Variants in PDE10A observed in about 807,000 individuals in gnomAD.
PDE10A encodes cAMP and cAMP-inhibited cGMP 3',5'-cyclic phosphodiesterase 10A.
A neutral mutation model predicts 97.7 loss-of-function variants in PDE10A; 39 were observed. That is an observed-to-expected ratio of 0.40 (90% confidence interval 0.31 to 0.52). PDE10A has a LOEUF of 0.52. PDE10A is among the 20% of genes least tolerant of loss of function. The pLI is 0.56. For synonymous variants in PDE10A, 371 were observed against 376.8 expected (o/e 0.98, Z 0.18); for missense variants, 731 against 1,047.8 (o/e 0.70, Z 4.17).
At chr6:165,392,857 ACTCCCTAGTTTAGGTAC>A in intron 15 of PDE10A, 61 bp from the exon 16 acceptor site, 1 of 1,482,928 alleles carries the variant, frequency 6.7e-7, no homozygotes, top group Non-Finnish European at 9.4e-7. Context: ...TTGTAGGAGA[ACTCCCTAGTTTAGGTAC>A]ATATATGTCT....
intron 1 of PDE10A, among the ~76,000 whole-genome samples, chr6:165,697,931 C>T (rs974424185): frequency 9.9e-5 from 15 of 152,002 alleles, no homozygotes; most frequent in Non-Finnish European, 2.2e-4. Context: ...AAAGAGCATC[C>T]CTGGTTTATT....
At chr6:165,865,096 G>T (rs980276396) in intron 1 of PDE10A, among the ~76,000 whole-genome samples, 1 of 152,018 alleles carries the variant, frequency 6.6e-6, no homozygotes, top group African/African-American at 2.4e-5. Flanking sequence ...AAAAATTGAC[G>T]CACCTGGCAT....
intron 1 of PDE10A, among the ~76,000 whole-genome samples, chr6:165,714,646 G>T (rs907082714): frequency 6.6e-6 from 1 of 152,218 alleles, no homozygotes; most frequent in Non-Finnish European, 1.5e-5. Context: ...GTTAGAGCCT[G>T]GAGGGTGCCA....
chr6:165,526,303 A>C (rs960086056), intron 2 of PDE10A, among the ~76,000 whole-genome samples: 9 of 152,130 alleles, frequency 5.9e-5, no homozygotes, highest in African/African-American at 2.2e-4. Flanking sequence ...GCTCAGGTCT[A>C]ACTTACATTG....
Position 165,689,043 on chromosome 6 carries a change from C to G in PDE10A, c.-614-145475G>C, listed in dbSNP as rs146577324. ...AGGAAAGCAACACCCTCCATTGGCA[C>G]GGCTTATGCAGGATATAAATGGAAT... On this transcript the variant is annotated intron_variant, in intron 1 of 19. Coordinates refer to the PDE10A transcript ENST00000366882. Among the ~76,000 whole-genome samples, 318 of 152,326 alleles carry G rather than the reference C, an allele frequency of 2.1e-3. 2 individuals carry two copies. The highest frequency in any genetic ancestry group is 3.9e-3 in the Non-Finnish European group (264 of 68,032).
At chr6:165,575,117 T>C (rs1488268899) in intron 1 of PDE10A, among the ~76,000 whole-genome samples, 1 of 152,178 alleles carries the variant, frequency 6.6e-6, no homozygotes, top group Non-Finnish European at 1.5e-5. Flanking sequence ...CACCTCATTA[T>C]TGAGTTTAAA....
chr6:165,734,665 C>T (rs980431887), intron 1 of PDE10A, among the ~76,000 whole-genome samples: 1 of 152,084 alleles, frequency 6.6e-6, no homozygotes, highest in African/African-American at 2.4e-5. Flanking sequence ...GGGACTGAGG[C>T]GTCCCCAGAG....
At chr6:165,897,222 C>T (rs1020620031) in intron 1 of PDE10A, among the ~76,000 whole-genome samples, 8 of 152,170 alleles carry the variant, frequency 5.3e-5, no homozygotes, top group South Asian at 2.1e-4. Context: ...ACAGTGGCCA[C>T]ATGGCTAGGG....
chr6:165,933,032 C>T (rs1180132923), intron 1 of PDE10A, among the ~76,000 whole-genome samples: 1 of 152,152 alleles, frequency 6.6e-6, no homozygotes, highest in Non-Finnish European at 1.5e-5. Context: ...TCTGGGGAGG[C>T]TACCAGAGAT....
At chr6:165,867,854 A>G (rs1395513897) in intron 1 of PDE10A, among the ~76,000 whole-genome samples, 3 of 152,260 alleles carry the variant, frequency 2.0e-5, no homozygotes, top group African/African-American at 7.2e-5. Context: ...GAACAAAACT[A>G]GAAATCAACA....
At chr6:165,793,308 G>T (rs1437236706) in intron 1 of PDE10A, among the ~76,000 whole-genome samples, 1 of 151,890 alleles carries the variant, frequency 6.6e-6, no homozygotes, top group African/African-American at 2.4e-5. Flanking sequence ...TATAAGAAAA[G>T]AAATAATTCA....
At chr6:165,599,640 T>A (rs1463766868) in intron 1 of PDE10A, among the ~76,000 whole-genome samples, 2 of 152,164 alleles carry the variant, frequency 1.3e-5, no homozygotes, top group Admixed American at 1.3e-4. Flanking sequence ...ACAGAATACC[T>A]CGTAACAGTA....
At chr6:165,793,339 A>C (rs1565883) in intron 1 of PDE10A, among the ~76,000 whole-genome samples, 101,203 of 151,772 alleles carry the variant, frequency 0.67, 34,057 homozygotes, top group Middle Eastern at 0.78. Context: ...GATAAAATTC[A>C]ATTTACAGAT....
intron 1 of PDE10A, among the ~76,000 whole-genome samples, chr6:165,967,918 C>T (rs1025474101): frequency 9.2e-5 from 14 of 152,224 alleles, no homozygotes; most frequent in African/African-American, 3.4e-4. Context: ...CAAAACTGCA[C>T]TCTGCTAACC....
intron 1 of PDE10A, among the ~76,000 whole-genome samples, chr6:165,745,077 A>G (rs1427048378): frequency 2.0e-5 from 3 of 152,236 alleles, no homozygotes; most frequent in Admixed American, 2.0e-4. Flanking sequence ...AGCAGTTGGT[A>G]TTTTAATTTG....
At chr6:165,646,784 CTTTGAATG>C (rs67262222) in intron 1 of PDE10A, among the ~76,000 whole-genome samples, 20,542 of 152,146 alleles carry the variant, frequency 0.14, 1,807 homozygotes, top group Non-Finnish European at 0.19. Context: ...CCTGGAAGGT[CTTTGAATG>C]TTTATGAAAT....
chr6:165,610,413 C>T (rs372004409), intron 1 of PDE10A, among the ~76,000 whole-genome samples: 14 of 152,056 alleles, frequency 9.2e-5, no homozygotes, highest in Admixed American at 2.6e-4. Flanking sequence ...CGCCTGTAGT[C>T]CCAGCTACTT....
chr6:165,371,907 G>A (rs1562393046), intron 18 of PDE10A, among the ~76,000 whole-genome samples: 1 of 152,062 alleles, frequency 6.6e-6, no homozygotes, highest in African/African-American at 2.4e-5. Flanking sequence ...TCCCTGGGAT[G>A]CAAGGCTGGT....
chr6:165,796,745 T>C (rs1041475643), intron 1 of PDE10A, among the ~76,000 whole-genome samples: 1 of 152,214 alleles, frequency 6.6e-6, no homozygotes, highest in Admixed American at 6.5e-5. Flanking sequence ...CCAATCCAGG[T>C]GCATGCACTG....
Sources: allele counts gnomAD v4.1 joint callset (sites outside exome capture counted in the v4.1 genomes callset), GRCh38; gene constraint gnomAD v4.1.1; transcripts MANE v1.5; gene names NCBI Gene and HGNC (gene_info 2026-07-23, HGNC 2026-07-21).